APPBP2: variants seen among roughly 807,000 people sequenced by gnomAD.
APPBP2 encodes the protein amyloid beta precursor protein binding protein 2.
Under a neutral mutation model 76.0 loss-of-function variants are expected in APPBP2, and 15 were observed. The ratio of observed to expected loss-of-function variants is 0.20; its 90% CI spans 0.13 to 0.30. APPBP2 has a LOEUF of 0.30. Among genes scored for constraint, APPBP2 ranks in the 10% least tolerant of loss-of-function variants. The probability of loss-of-function intolerance (pLI) is 1.00; values close to 1 mark genes in which losing one functional copy is unlikely to be tolerated. For synonymous variants in APPBP2, 222 were observed against 242.2 expected (o/e 0.92, Z 0.77); for missense variants, 401 against 687.2 (o/e 0.58, Z 4.66).
In APPBP2 at chr17:60,526,156, C is replaced by T; in HGVS notation, c.-225G>A. The stretch of plus-strand genomic sequence containing the variant: ...AAGTGGGACAGAAAACAGCGGCCAG[C>T]CAGGCCAAAAGCGTCACAATCCCGG... On this transcript the variant is annotated 5_prime_UTR_variant, in exon 1 of 13. Transcript: ENST00000083182. The T allele has an allele frequency of 1.8e-6, 1 of 548,546 alleles. No homozygotes were observed. Among genetic ancestry groups the T allele is most frequent in the South Asian group, 2.0e-5 (1 of 49,464 alleles). The allele number at this position is 548,546 out of a possible 1,614,324, so 34.0% of individuals were successfully genotyped here. A position where few individuals can be genotyped will look rare whatever the true frequency, so the allele number is the denominator to read the frequency against.
Position 60,482,296 on chromosome 17 carries a change from T to C in APPBP2, c.380-3025A>G, listed in dbSNP as rs529712521. On this transcript the variant is annotated intron_variant, in intron 3 of 12. Transcript: ENST00000083182. ...GAATCCAAACCATTTTAAAAACATATTCCTGTTAAGAAATGTTTAATTTTC... is the reference window on the plus strand; with the variant it reads ...GAATCCAAACCATTTTAAAAACATACTCCTGTTAAGAAATGTTTAATTTTC... 7.2e-5 allele frequency among the ~76,000 whole-genome samples: 11 copies of C among 151,910 alleles called. No homozygotes were observed. The South Asian group carries it at 1.7e-3, about 23-fold the overall frequency.
chr17:60,501,082 AG>A (rs2090819330), intron 1 of APPBP2, among the ~76,000 whole-genome samples: 1 of 152,166 alleles, frequency 6.6e-6, no homozygotes, highest in Non-Finnish European at 1.5e-5. Context: ...AAGGAGGCAA[AG>A]GAGGGAGTAT....
intron 3 of APPBP2, among the ~76,000 whole-genome samples, chr17:60,485,381 C>A (rs978150779): frequency 6.6e-6 from 1 of 152,060 alleles, no homozygotes; most frequent in Admixed American, 6.6e-5. Flanking sequence ...AATTCCGGAG[C>A]CTGTTATTGG....
intron 3 of APPBP2, among the ~76,000 whole-genome samples, chr17:60,490,441 T>C (rs1372371970): frequency 6.6e-6 from 1 of 152,090 alleles, no homozygotes. Flanking sequence ...TTCCAGTAGT[T>C]TGGGAAGAAT....
intron 1 of APPBP2, among the ~76,000 whole-genome samples, chr17:60,511,309 G>A (rs559507766): frequency 2.0e-5 from 3 of 152,034 alleles, no homozygotes; most frequent in Admixed American, 6.6e-5. Flanking sequence ...ACTTTCTGCC[G>A]GGCGCGGTGG....
At chr17:60,500,024 T>C (rs546581340) in intron 2 of APPBP2, among the ~76,000 whole-genome samples, 83 of 151,800 alleles carry the variant, frequency 5.5e-4, no homozygotes, top group African/African-American at 1.9e-3. Flanking sequence ...TTTTTTTTTT[T>C]TTTTTGAGAC....
At chr17:60,487,485 C>T (rs1040262935) in intron 3 of APPBP2, among the ~76,000 whole-genome samples, 11 of 152,230 alleles carry the variant, frequency 7.2e-5, no homozygotes, top group Middle Eastern at 3.4e-3. Flanking sequence ...TAGATCGAAT[C>T]GGCTACTGAA....
Position 60,461,763 on chromosome 17 carries a change from G to C in APPBP2, c.936+47C>G, listed in dbSNP as rs947267538. 5 of 1,389,936 alleles carry C rather than the reference G, an allele frequency of 3.6e-6. No homozygotes were observed. In the African/African-American group the frequency reaches 5.8e-5, roughly 16 times the overall value. The allele number at this position is 1,389,936 out of a possible 1,614,324, so 86.1% of individuals were successfully genotyped here. On this transcript the variant is annotated intron_variant, in intron 8 of 12. Transcript: ENST00000083182. Reference sequence around the variant, plus strand: ...ATACACCACAAACAAATACAGGTCAGCAAGTCAATACAGGTTGAAAGAAAA... The same window carrying C: ...ATACACCACAAACAAATACAGGTCACCAAGTCAATACAGGTTGAAAGAAAA...
intron 2 of APPBP2, among the ~76,000 whole-genome samples, chr17:60,496,822 G>C (rs2143442400): frequency 6.6e-6 from 1 of 152,268 alleles, no homozygotes; most frequent in Non-Finnish European, 1.5e-5. Flanking sequence ...CCGGGTTCAA[G>C]TGATTCTCCT....
In APPBP2 at chr17:60,503,437, G is replaced by C. The variant is rs371789780; in HGVS notation, c.139-2950C>G. ...AGTTTTGCTCTTGTTGCCCAGGCTG[G>C]AGTACAGTGGCGTGACTGACTCACT... On this transcript the variant is annotated intron_variant, in intron 1 of 12. Transcript: ENST00000083182. Among the ~76,000 whole-genome samples, 111 of 145,506 alleles carry C rather than the reference G, an allele frequency of 7.6e-4. 18 individuals are homozygous for C. Among genetic ancestry groups the C allele is most frequent in the African/African-American group, 2.9e-3 (101 of 35,298 alleles).
At chr17:60,512,956 TCC>T (rs1337746773) in intron 1 of APPBP2, among the ~76,000 whole-genome samples, 1 of 136,998 alleles carries the variant, frequency 7.3e-6, no homozygotes, top group Non-Finnish European at 1.5e-5. Flanking sequence ...ATTTTTCTTT[TCC>T]TTTTTTTTTT....
intron 2 of APPBP2, among the ~76,000 whole-genome samples, chr17:60,499,477 C>T (rs73328482): frequency 0.082 from 12,494 of 152,182 alleles, 1,698 homozygotes; most frequent in African/African-American, 0.28. Context: ...AGTTCGAGGG[C>T]AGCCTGTACA....
chr17:60,465,793 A>T (rs2090506691), intron 5 of APPBP2, among the ~76,000 whole-genome samples: 1 of 152,296 alleles, frequency 6.6e-6, no homozygotes, highest in Non-Finnish European at 1.5e-5. Context: ...TCTAAATTAC[A>T]CATGTATATA....
intron 3 of APPBP2, among the ~76,000 whole-genome samples, chr17:60,485,853 CT>C (rs2090672649): frequency 6.6e-6 from 1 of 151,992 alleles, no homozygotes. Context: ...ATAAATTTAC[CT>C]CTACACACAG....
chr17:60,525,828 A>G lies in APPBP2; in HGVS notation c.104T>C (p.Leu35Ser). 1 of 1,613,244 alleles carries G rather than the reference A, an allele frequency of 6.2e-7. No individual in the cohort carries two copies. The highest frequency in any genetic ancestry group is 8.5e-7 in the Non-Finnish European group (1 of 1,179,780). ...YIRSRRDIRS[L>S]PENIQFDVYY... ...AACATCAAACTGGATGTTCTCGGGC[A>G]AGGAGCGGATGTCTCGGCGGGAGCG... is the stretch of plus-strand genomic sequence containing the variant. The change falls in exon 1 of 13, where the codon TTG (leucine) becomes TCG (serine). Residue 35 changes from leucine to serine, a missense_variant. Around this residue, in one of 5 missense-constraint regions of APPBP2, gnomAD observed 149 missense variants for 198.4 expected, o/e 0.75. Transcript: ENST00000083182.
intron 11 of APPBP2, among the ~76,000 whole-genome samples, chr17:60,453,963 T>G (rs1456726236): frequency 6.6e-6 from 1 of 152,166 alleles, no homozygotes; most frequent in African/African-American, 2.4e-5. Context: ...CCTCAACTTC[T>G]TGGGCTCAAC....
intron 2 of APPBP2, among the ~76,000 whole-genome samples, chr17:60,495,045 C>G (rs182928470): frequency 1.1e-4 from 15 of 140,372 alleles, no homozygotes; most frequent in African/African-American, 3.5e-4. Context: ...AGTGCAGTGG[C>G]GTGGTCTCGG....
intron 3 of APPBP2, among the ~76,000 whole-genome samples, chr17:60,479,720 T>C (rs529099124): frequency 3.2e-4 from 48 of 152,350 alleles, no homozygotes; most frequent in African/African-American, 1.1e-3. Context: ...TTATTATTTT[T>C]TTAAACAAGA....
chr17:60,522,281 C>T (rs2091015135), intron 1 of APPBP2, among the ~76,000 whole-genome samples: 1 of 152,150 alleles, frequency 6.6e-6, no homozygotes. Context: ...ATGAACTCAC[C>T]TCCTAATTCA....
Sources: gnomAD v4.1 joint callset for allele counts (sites outside exome capture counted in the v4.1 genomes callset) on GRCh38, gnomAD v4.1.1 for gene constraint, gnomAD v4.1.1 regional missense constraint, MANE v1.5 for transcripts, NCBI Gene and HGNC (gene_info 2026-07-23, HGNC 2026-07-21) for gene names.